NUP93: variants seen among roughly 807,000 people sequenced by gnomAD.
The protein encoded by NUP93 is nucleoporin 93.
In NUP93, 55 loss-of-function variants were observed where a neutral mutation model predicts 107.8. The ratio of observed to expected loss-of-function variants is 0.51; its 90% confidence interval spans 0.41 to 0.64. The LOEUF (loss-of-function observed/expected upper bound fraction) is 0.64, where lower values mean the gene tolerates loss of function less well. Ranked by LOEUF, NUP93 falls within the 30% of genes least tolerant of loss-of-function variation. NUP93 has a pLI of 0.00. For missense variants in NUP93, 937 were observed against 1,044.7 expected (o/e 0.90, Z 1.42); for synonymous variants, 390 against 397.5 (o/e 0.98, Z 0.22).
chr16:56,848,293 C>A lies in NUP93; in HGVS notation c.*3684C>A, dbSNP rs566423525. ...GTCCCCACACTGACTGCGAACTCTC[C>A]CTTAGCCTCAGTCAGCTGGGAAAGG... On this transcript the variant is annotated 3_prime_UTR_variant, in exon 22 of 22. Transcript: ENST00000308159. 6.6e-6 allele frequency: 1 copy of A among 152,316 alleles called. No homozygotes were observed. Among genetic ancestry groups the A allele is most frequent in the South Asian group, 2.1e-4 (1 of 4,822 alleles). 9.4% of individuals were successfully genotyped at this position (152,316 alleles called of 1,614,324 possible). A position where few individuals can be genotyped will look rare whatever the true frequency, so the allele number is the denominator to read the frequency against.
chr16:56,773,110 G>A (rs796196473), intron 3 of NUP93, among the ~76,000 whole-genome samples: 6 of 152,222 alleles, frequency 3.9e-5, no homozygotes, highest in African/African-American at 9.6e-5. Flanking sequence ...CAAGTACTTA[G>A]TAAGTCAAGG....
In NUP93 at chr16:56,776,728, A is replaced by C. The variant is rs117386739; in HGVS notation, c.297+18073A>C. Among the ~76,000 whole-genome samples, 36 of 152,318 alleles carry C rather than the reference A, an allele frequency of 2.4e-4. No individual in the cohort carries two copies. In the East Asian group the frequency reaches 4.6e-3, roughly 20 times the overall value. On this transcript the variant is annotated intron_variant, in intron 3 of 21. Coordinates refer to ENST00000308159, the MANE Select transcript of NUP93 (RefSeq NM_014669.5). ...AAATCTGGGGCTCTAGCAGGCACCC[A>C]TGCAGTTTTTCTCAGTACGTGTCCC...
rs548401543 is a variant in NUP93 at position 56,769,053 on chromosome 16, A to G, written c.297+10398A>G. On this transcript the variant is annotated intron_variant, in intron 3 of 21. Coordinates refer to ENST00000308159, the MANE Select transcript of NUP93 (RefSeq NM_014669.5). ...ACCCCATGTCACAGATGAGGAAGCT[A>G]AGGCTTACAGAGGCTAGATATGCCA... Among the ~76,000 whole-genome samples, 18 of 152,228 alleles carry G rather than the reference A, an allele frequency of 1.2e-4. No individual in the cohort carries two copies. The South Asian group carries it at 2.1e-3, about 18-fold the overall frequency.
chr16:56,835,599 A>G (rs1444276755), intron 16 of NUP93, among the ~76,000 whole-genome samples: 1 of 152,206 alleles, frequency 6.6e-6, no homozygotes, highest in African/African-American at 2.4e-5. Context: ...AGCTAGAAAC[A>G]TAGATAAGAC....
chr16:56,771,532 C>T (rs887062073), intron 3 of NUP93, among the ~76,000 whole-genome samples: 1 of 151,996 alleles, frequency 6.6e-6, no homozygotes, highest in African/African-American at 2.4e-5. Context: ...CCCTGCCTTT[C>T]CTCTGACCAT....
chr16:56,816,646 G>A lies in NUP93; in HGVS notation c.490-2018G>A, dbSNP rs188382566. 4.3e-4 allele frequency among the ~76,000 whole-genome samples: 65 copies of A among 152,332 alleles called. 1 individual carries two copies. The South Asian group carries it at 6.8e-3, about 16-fold the overall frequency. Reference sequence around the variant, plus strand: ...GCAGAAGCTGTCCCCAAGTATACTAGCAGGCTTGTGTTTCCATCTCATTGG... The same window carrying A: ...GCAGAAGCTGTCCCCAAGTATACTAACAGGCTTGTGTTTCCATCTCATTGG... On this transcript the variant is annotated intron_variant, in intron 5 of 21. Coordinates refer to ENST00000308159, the MANE Select transcript of NUP93 (RefSeq NM_014669.5).
chr16:56,761,530 T>G (rs1338565261), intron 3 of NUP93, among the ~76,000 whole-genome samples: 1 of 149,332 alleles, frequency 6.7e-6, no homozygotes, highest in African/African-American at 2.5e-5. Context: ...GGTGGACTTT[T>G]GTAATTGAAC....
intron 20 of NUP93, among the ~76,000 whole-genome samples, chr16:56,841,201 A>T (rs540214113): frequency 9.1e-4 from 138 of 152,208 alleles, no homozygotes; most frequent in African/African-American, 3.1e-3. Context: ...CCTTCATTGC[A>T]TCAGGGATTA....
intron 1 of NUP93, among the ~76,000 whole-genome samples, chr16:56,743,359 A>G (rs1961769323): frequency 6.6e-6 from 1 of 152,216 alleles, no homozygotes; most frequent in Non-Finnish European, 1.5e-5. Flanking sequence ...GACCAGCATG[A>G]GGAAGTAGAA....
chr16:56,827,307 G>C (rs1772201118), intron 8 of NUP93, among the ~76,000 whole-genome samples: 1 of 152,076 alleles, frequency 6.6e-6, no homozygotes, highest in Non-Finnish European at 1.5e-5. Flanking sequence ...AAGCATGCTA[G>C]CAAATAAATG....
At chr16:56,736,397 A>G (rs1357356231) in intron 1 of NUP93, among the ~76,000 whole-genome samples, 1 of 152,240 alleles carries the variant, frequency 6.6e-6, no homozygotes, top group African/African-American at 2.4e-5. Flanking sequence ...ATATCATGTT[A>G]TCTGAGTCTG....
At position 56,846,660 on chromosome 16, in the gene NUP93, A is replaced by G. The variant is rs1258614795; in HGVS notation, c.*2051A>G. 1 of 152,214 alleles carries G rather than the reference A, an allele frequency of 6.6e-6. No homozygotes were observed. Among genetic ancestry groups the G allele is most frequent in the Non-Finnish European group, 1.5e-5 (1 of 68,058 alleles). 9.4% of individuals were successfully genotyped at this position (152,214 alleles called of 1,614,324 possible). A position where few individuals can be genotyped will look rare whatever the true frequency, so the allele number is the denominator to read the frequency against. The stretch of plus-strand genomic sequence containing the variant: ...AAGAGGCGGAGGTTGCAGTGAGCCG[A>G]GCTTATGCCACTGCACTCCAGCCTA... On this transcript the variant is annotated 3_prime_UTR_variant, in exon 22 of 22. Transcript: ENST00000308159.
At chr16:56,738,191 C>T (rs1961642660) in intron 1 of NUP93, among the ~76,000 whole-genome samples, 1 of 152,244 alleles carries the variant, frequency 6.6e-6, no homozygotes, top group Admixed American at 6.5e-5. Context: ...CCCCCTCATC[C>T]AGAGACGATC....
At chr16:56,841,535 T>C in intron 20 of NUP93, 170 bp from the exon 21 acceptor site, 1 of 730,838 alleles carries the variant, frequency 1.4e-6, no homozygotes, top group Non-Finnish European at 2.2e-6. Context: ...TTTCTCACAC[T>C]TGATGTTTCA....
chr16:56,824,284 A>G (rs1482418823), intron 8 of NUP93, among the ~76,000 whole-genome samples: 2 of 152,042 alleles, frequency 1.3e-5, no homozygotes, highest in East Asian at 1.9e-4. Context: ...TTCTGACTCT[A>G]CTTGGTTAAT....
At chr16:56,813,316 A>G (rs150329555) in intron 5 of NUP93, among the ~76,000 whole-genome samples, 1 of 152,322 alleles carries the variant, frequency 6.6e-6, no homozygotes, top group Non-Finnish European at 1.5e-5. Flanking sequence ...AAAATTTCTT[A>G]TTGATACATA....
intron 9 of NUP93, among the ~76,000 whole-genome samples, chr16:56,830,005 C>T (rs1478295404): frequency 6.6e-6 from 1 of 152,218 alleles, no homozygotes; most frequent in Non-Finnish European, 1.5e-5. Flanking sequence ...CTGTAGTATT[C>T]AGAGAGTGGG....
At chr16:56,804,746 T>C (rs1006340900) in intron 4 of NUP93, among the ~76,000 whole-genome samples, 1 of 151,714 alleles carries the variant, frequency 6.6e-6, no homozygotes, top group Non-Finnish European at 1.5e-5. Context: ...CCGTCTCTAG[T>C]AAAAATATAA....
chr16:56,836,169 G>A (rs1041353250), intron 16 of NUP93, among the ~76,000 whole-genome samples: 2 of 141,692 alleles, frequency 1.4e-5, no homozygotes, highest in East Asian at 1.9e-4. Context: ...CACTTGCTGT[G>A]TGTTTTTTCA....
Sources: gnomAD v4.1 joint callset for allele counts (sites outside exome capture counted in the v4.1 genomes callset) on GRCh38, gnomAD v4.1.1 for gene constraint, MANE v1.5 for transcripts, NCBI Gene and HGNC (gene_info 2026-07-23, HGNC 2026-07-21) for gene names.